The following BRCA2 variants were observed in gnomAD, a reference collection of about 807,000 sequenced individuals.
The protein encoded by BRCA2 is breast cancer type 2 susceptibility protein.
Under a neutral mutation model 276.7 loss-of-function variants are expected in BRCA2, and 203 were observed. The observed-to-expected ratio is 0.73, with a 90% CI of 0.65 to 0.82. BRCA2 has a LOEUF of 0.82. Ranked by LOEUF, BRCA2 falls within the 40% of genes least tolerant of loss-of-function variation. BRCA2 has a pLI of 0.00. For synonymous variants in BRCA2, 1,289 were observed against 1,338.4 expected, an observed-to-expected ratio of 0.96 and a Z score of 0.81; for missense variants, 3,920 against 3,915.0, an observed-to-expected ratio of 1.00 and a Z score of -0.03.
intron 18 of BRCA2, among the ~76,000 whole-genome samples, chr13:32,367,446 A>C (rs1424693703): frequency 6.6e-6 from 1 of 151,904 alleles, no homozygotes; most frequent in African/African-American, 2.4e-5. Context: ...CAAAGAAAAA[A>C]AAAAGGATAA....
At chr13:32,351,586 A>G (rs1593915931) in intron 13 of BRCA2, among the ~76,000 whole-genome samples, 1 of 152,300 alleles carries the variant, frequency 6.6e-6, no homozygotes, top group East Asian at 1.9e-4. Context: ...TGTGTGTAGT[A>G]AGGTAGAAGC....
intron 12 of BRCA2, among the ~76,000 whole-genome samples, chr13:32,346,128 ATACT>A (rs1248906038): frequency 3.9e-5 from 6 of 151,998 alleles, no homozygotes; most frequent in Non-Finnish European, 8.8e-5. Flanking sequence ...ACAAAAAGGT[ATACT>A]TAGAGTTTTT....
intron 24 of BRCA2, chr13:32,386,080 G>A (rs1223963080): frequency 5.3e-6 from 1 of 189,826 alleles, no homozygotes; most frequent in Non-Finnish European, 1.2e-5. Context: ...TGGCTGCTGA[G>A]TTTTAGAACT....
chr13:32,340,206 A>G lies in BRCA2; in HGVS notation c.5851A>G (p.Ser1951Gly), dbSNP rs1212547389. The G allele has an allele frequency of 6.2e-7, 1 of 1,613,878 alleles. No homozygotes were observed. Among genetic ancestry groups the G allele is most frequent in the Non-Finnish European group, 8.5e-7 (1 of 1,179,804 alleles). Reference protein sequence around the residue: ...KVSKISPCDVSLETSDICKCS... With the variant: ...KVSKISPCDVGLETSDICKCS... ...TTCTAAAATATCACCTTGTGATGTTAGTTTGGAAACTTCAGATATATGTAA... is the reference window on the plus strand; with the variant it reads ...TTCTAAAATATCACCTTGTGATGTTGGTTTGGAAACTTCAGATATATGTAA... Residue 1951 changes from serine to glycine, a missense_variant, in exon 11 of 27, where the codon AGT (serine) becomes GGT (glycine). Around this residue, in one of 2 missense-constraint regions of BRCA2, gnomAD observed 3,263 missense variants for 3,156.9 expected, o/e 1.03. Coordinates refer to ENST00000380152, the MANE Select transcript of BRCA2 (RefSeq NM_000059.4).
At chr13:32,325,961 T>G in intron 4 of BRCA2, 140 bp from the exon 5 acceptor site, 1 of 773,498 alleles carries the variant, frequency 1.3e-6, no homozygotes, top group East Asian at 2.7e-5. Context: ...AGAGATTTAC[T>G]TTTTAAAATG....
chr13:32,391,474 G>C (rs2072996422), intron 24 of BRCA2, among the ~76,000 whole-genome samples: 1 of 152,348 alleles, frequency 6.6e-6, no homozygotes, highest in African/African-American at 2.4e-5. Context: ...CAGAGGGCAA[G>C]TCCAGGAGGG....
At chr13:32,375,164 G>C (rs1593933702) in intron 20 of BRCA2, among the ~76,000 whole-genome samples, 1 of 152,206 alleles carries the variant, frequency 6.6e-6, no homozygotes, top group Non-Finnish European at 1.5e-5. Context: ...CCTCCCACCA[G>C]GTCCGTCCCT....
chr13:32,321,869 G>A (rs933047659), intron 3 of BRCA2, among the ~76,000 whole-genome samples: 1 of 152,100 alleles, frequency 6.6e-6, no homozygotes, highest in Non-Finnish European at 1.5e-5. Flanking sequence ...GCTTATTAAT[G>A]AGATCCTCAG....
In BRCA2 at chr13:32,337,777, C is replaced by T. The variant is rs397507308; in HGVS notation, c.3422C>T (p.Thr1141Ile). Residue 1141 changes from threonine (T) to isoleucine (I), a missense_variant, in exon 11 of 27, where the codon ACA (threonine) becomes ATA (isoleucine). Transcript: ENST00000380152. ...RKPSYILQKS[T>I]FEVPENQMTI... is the part of the protein sequence containing the mutation. ...CCAAGCTACATATTGCAGAAGAGTA[C>T]ATTTGAAGTGCCTGAAAACCAGATG... 1.2e-6 allele frequency: 2 copies of T among 1,613,996 alleles called. No homozygotes were observed. The highest frequency in any genetic ancestry group is 1.7e-6 in the Non-Finnish European group (2 of 1,179,932).
At position 32,379,318 on chromosome 13, in the gene BRCA2, G is replaced by T. The variant is rs80359131; in HGVS notation, c.8756G>T (p.Gly2919Val). 13 of 1,613,302 alleles carry T rather than the reference G, an allele frequency of 8.1e-6. No individual in the cohort carries two copies. Among genetic ancestry groups the T allele is most frequent in the Admixed American group, 3.3e-5 (2 of 59,964 alleles). ...KNAADPAYLE[G>V]YFSEEQLRAL... ...TTCCAATATCTTAAATGGTCACAGG[G>T]TTATTTCAGTGAAGAGCAGTTAAGA... The change falls in exon 22 of 27, where the codon GGT becomes GTT. Residue 2919 changes from glycine (G) to valine (V), a missense_variant and splice_region_variant. Transcript: ENST00000380152.
rs397507841 is a variant in BRCA2, at chr13:32,326,617, A to G, written c.631+4A>G. On this transcript the variant is annotated splice_donor_region_variant and intron_variant, in intron 7 of 26. Transcript: ENST00000380152. ...CTTAGTTCTACTGTGCTCATAGGTA[A>G]TAATAGCAAATGTGTATTTACAAGA... 6.4e-7 allele frequency: 1 copy of G among 1,565,352 alleles called. No individual in the cohort carries two copies. The highest frequency in any genetic ancestry group is 1.7e-5 in the Admixed American group (1 of 59,580).
chr13:32,384,688 T>C, intron 24 of BRCA2: 1 of 232,796 alleles, frequency 4.3e-6, no homozygotes, highest in Non-Finnish European at 9.6e-6. Context: ...GATCATCAGG[T>C]CAAGGATAGT....
intron 9 of BRCA2, among the ~76,000 whole-genome samples, chr13:32,331,529 C>G (rs2072391466): frequency 6.6e-6 from 1 of 152,092 alleles, no homozygotes; most frequent in Non-Finnish European, 1.5e-5. Context: ...TGCCACTGCA[C>G]TCCCACCTGG....
At position 32,357,942 on chromosome 13, in the gene BRCA2, A is replaced by G. The variant is rs149769332; in HGVS notation, c.7805+13A>G. ...AAGAATTTTATAGGTACTCTATGCA[A>G]AAAGATTGTGTGTTAACTTTTATGT... is the stretch of plus-strand genomic sequence containing the variant. On this transcript the variant is annotated intron_variant, in intron 16 of 26. Transcript: ENST00000380152. The G allele has an allele frequency of 4.4e-5, 71 of 1,610,986 alleles. No homozygotes were observed. The African/African-American group carries it at 5.5e-4, about 12-fold the overall frequency.
chr13:32,358,031 AT>A, intron 16 of BRCA2, 102 bp downstream of exon 16: 1 of 1,227,474 alleles, frequency 8.1e-7, no homozygotes, highest in Non-Finnish European at 1.2e-6. Flanking sequence ...TAGAAATCAA[AT>A]TTTTATGCAT....
intron 26 of BRCA2, 28 bp downstream of exon 26, chr13:32,397,072 T>C: frequency 6.2e-7 from 1 of 1,603,270 alleles, no homozygotes; most frequent in Non-Finnish European, 8.5e-7. Context: ...CAAGGAATAT[T>C]ATAAGAAGTA....
Position 32,356,542 on chromosome 13 carries a change from C to G in BRCA2, c.7550C>G (p.Thr2517Ser), listed in dbSNP as rs1555286277. 2.5e-6 allele frequency: 4 copies of G among 1,614,226 alleles called. No homozygotes were observed. The highest frequency in any genetic ancestry group is 3.4e-6 in the Non-Finnish European group (4 of 1,180,040). Residue 2517 changes from threonine (T) to serine (S), a missense_variant, in exon 15 of 27, where the codon ACT (threonine) becomes AGT (serine). Physicochemically the swap from Thr to Ser is moderately conservative, Grantham distance 58. Around this residue, in one of 2 missense-constraint regions of BRCA2, gnomAD observed 3,263 missense variants for 3,156.9 expected, o/e 1.03. Transcript: ENST00000380152. Reference protein sequence around the residue: ...PGSLYLAKTSTLPRISLKAAV... With the variant: ...PGSLYLAKTSSLPRISLKAAV... ...AGTCTGTATCTTGCAAAAACATCCA[C>G]TCTGCCTCGAATCTCTCTGAAAGCA...
At chr13:32,321,756 TA>T (rs1566216940) in intron 3 of BRCA2, among the ~76,000 whole-genome samples, 1 of 152,222 alleles carries the variant, frequency 6.6e-6, no homozygotes, top group African/African-American at 2.4e-5. Flanking sequence ...TAATATTTTT[TA>T]AAAAATTATT....
intron 7 of BRCA2, among the ~76,000 whole-genome samples, chr13:32,329,081 A>T (rs539611538): frequency 6.6e-6 from 1 of 152,200 alleles, no homozygotes; most frequent in South Asian, 2.1e-4. Context: ...TATTTAATAT[A>T]TAGTATGCCT....
Sources: allele counts gnomAD v4.1 joint callset (sites outside exome capture counted in the v4.1 genomes callset), GRCh38; gene constraint gnomAD v4.1.1; regional missense constraint gnomAD v4.1.1; transcripts MANE v1.5; gene names NCBI Gene and HGNC (gene_info 2026-07-23, HGNC 2026-07-21).